Variants in ACOX3 observed in about 807,000 individuals in gnomAD.
ACOX3 encodes the protein peroxisomal acyl-coenzyme A oxidase 3.
ACOX3 carries 73 observed loss-of-function variants against 81.5 expected under a neutral mutation model. The observed-to-expected ratio is 0.90, with a 90% CI of 0.74 to 1.09. The LOEUF is 1.09. Ranked by LOEUF, ACOX3 falls within the 50% of genes least tolerant of loss-of-function variation. The probability of loss-of-function intolerance (pLI) is 0.00; values close to 1 mark genes in which losing one functional copy is unlikely to be tolerated. For missense variants in ACOX3, 947 were observed against 928.0 expected (o/e 1.02, Z -0.27); for synonymous variants, 387 against 375.1 (o/e 1.03, Z -0.37).
At chr4:8,369,375 A>G (rs1235992381) in intron 17 of ACOX3, among the ~76,000 whole-genome samples, 2 of 152,064 alleles carry the variant, frequency 1.3e-5, no homozygotes, top group Non-Finnish European at 2.9e-5. Context: ...TTCTCTCCCT[A>G]CAGCAGGGCA....
chr4:8,409,082 G>A (rs1721390805), intron 6 of ACOX3, among the ~76,000 whole-genome samples: 1 of 152,110 alleles, frequency 6.6e-6, no homozygotes, highest in African/African-American at 2.4e-5. Context: ...AAAACACTTT[G>A]GTTTTGTCCT....
At chr4:8,390,492 C>A in intron 11 of ACOX3, among the ~76,000 whole-genome samples, 1 of 152,340 alleles carries the variant, frequency 6.6e-6, no homozygotes, top group Non-Finnish European at 1.5e-5. Flanking sequence ...GCCATCTCAG[C>A]GAGCTGATGC....
At position 8,416,225 on chromosome 4, in the gene ACOX3, C is replaced by G. The variant is rs750960040; in HGVS notation, c.144+153G>C. Among the ~76,000 whole-genome samples, 2 of 152,206 alleles carry G rather than the reference C, an allele frequency of 1.3e-5. No individual in the cohort carries two copies. Among genetic ancestry groups the G allele is most frequent in the Non-Finnish European group, 2.9e-5 (2 of 68,030 alleles). On this transcript the variant is annotated intron_variant, in intron 2 of 17. Transcript: ENST00000356406. This position sits in a 1 kb window ranked among gnomAD's most constrained non-coding sequence, Gnocchi z 4.2. ...AGACTCCTCATCAATTCCCTGAGGC[C>G]TGTCCTGGGGTGCAGAGAGGAGAGA...
Position 8,414,810 on chromosome 4 carries a change from A to C in ACOX3, c.453+44T>G, listed in dbSNP as rs1337642418. Reference sequence around the variant, plus strand: ...TTTTCACAAATCTCTACAGAGATCAAGCAAGAGAACCAGGCTCACAATTTA... The same window carrying C: ...TTTTCACAAATCTCTACAGAGATCACGCAAGAGAACCAGGCTCACAATTTA... On this transcript the variant is annotated intron_variant, in intron 4 of 17. Coordinates refer to ENST00000356406, the MANE Select transcript of ACOX3 (RefSeq NM_003501.3). This position sits in a 1 kb window ranked among gnomAD's most constrained non-coding sequence, Gnocchi z 6.1. The C allele has an allele frequency of 3.2e-6, 5 of 1,577,594 alleles. No homozygotes were observed. Among genetic ancestry groups the C allele is most frequent in the Non-Finnish European group, 4.4e-6 (5 of 1,146,716 alleles).
intron 5 of ACOX3, among the ~76,000 whole-genome samples, chr4:8,412,538 G>A (rs1277940206): frequency 6.6e-6 from 1 of 152,214 alleles, no homozygotes; most frequent in African/African-American, 2.4e-5. Context: ...ATGGAAGAAT[G>A]AATGGACAGA....
rs1035321716 is a variant in ACOX3 at position 8,385,037 on chromosome 4, C to T, written c.1538-3430G>A. 2.6e-5 allele frequency among the ~76,000 whole-genome samples: 4 copies of T among 152,156 alleles called. No homozygotes were observed. The highest frequency in any genetic ancestry group is 2.1e-4 in the South Asian group (1 of 4,832). ...CCCCCCACACGCAGCAGCCCCCCAC[C>T]GAGGGCACCATGGCCTGGCCCCTGC... On this transcript the variant is annotated intron_variant, in intron 13 of 17. Coordinates refer to ENST00000356406, the MANE Select transcript of ACOX3 (RefSeq NM_003501.3). The surrounding 1 kb of genome is among the most constrained non-coding windows in gnomAD (Gnocchi z 5.5).
Position 8,407,224 on chromosome 4 carries a change from C to T in ACOX3, c.688-1181G>A, listed in dbSNP as rs935978959. Among the ~76,000 whole-genome samples, 117 of 152,144 alleles carry T rather than the reference C, an allele frequency of 7.7e-4. 1 individual carries two copies. The highest frequency in any genetic ancestry group is 2.8e-4 in the Non-Finnish European group (19 of 68,028). Reference sequence around the variant, plus strand: ...TTTTTCCTAGGTTATGATTATAGAGCGAGGATTATTATAATATTGGGATAA... The same window carrying T: ...TTTTTCCTAGGTTATGATTATAGAGTGAGGATTATTATAATATTGGGATAA... On this transcript the variant is annotated intron_variant, in intron 6 of 17. Coordinates refer to ENST00000356406, the MANE Select transcript of ACOX3 (RefSeq NM_003501.3). The surrounding 1 kb of genome is among the most constrained non-coding windows in gnomAD (Gnocchi z 4.6).
chr4:8,389,276 G>T lies in ACOX3; in HGVS notation c.1434C>A (p.Cys478Ter), dbSNP rs778350485. ...LLAHQVHDGA[C>*]FRSPLKSVDF... is the part of the protein sequence containing the mutation. ...CCACTGACTTCAGCGGACTGCGGAA[G>T]CAAGCTCCATCTAGGACACACATTC... The change falls in exon 13 of 18, where the codon TGC (cysteine) becomes TGA (stop). Residue 478 changes from cysteine (C) to a stop codon, truncating the protein, a stop_gained. Transcript: ENST00000356406. LOFTEE classifies it high-confidence loss of function. The surrounding 1 kb of genome is among the most constrained non-coding windows in gnomAD (Gnocchi z 5.3). 5 of 1,612,754 alleles carry T rather than the reference G, an allele frequency of 3.1e-6. No homozygotes were observed. Among genetic ancestry groups the T allele is most frequent in the Non-Finnish European group, 4.2e-6 (5 of 1,179,460 alleles).
intron 10 of ACOX3, among the ~76,000 whole-genome samples, chr4:8,393,490 A>AAAAC (rs138758419): frequency 0.13 from 17,596 of 130,514 alleles, 2,246 homozygotes; most frequent in African/African-American, 0.35. Flanking sequence ...CTCCGTCTCA[A>AAAAC]AAACAAACAA....
At chr4:8,415,721 C>T (rs764996546) in intron 3 of ACOX3, 45 bp downstream of exon 3, 34 of 1,566,162 alleles carry the variant, frequency 2.2e-5, no homozygotes, top group Middle Eastern at 2.0e-4. Context: ...CAAGGCTCAG[C>T]GCAGCATGAA....
Position 8,405,579 on chromosome 4 carries a change from A to G in ACOX3, c.776+376T>C, listed in dbSNP as rs1720841459. 6.6e-6 allele frequency among the ~76,000 whole-genome samples: 1 copy of G among 152,226 alleles called. No individual in the cohort carries two copies. The highest frequency in any genetic ancestry group is 1.5e-5 in the Non-Finnish European group (1 of 68,034). Reference sequence around the variant, plus strand: ...AAACTGCAGATATGGGTCCCTCGAGATCAGCATGGATGTGTGCAGAGGCCG... The same window carrying G: ...AAACTGCAGATATGGGTCCCTCGAGGTCAGCATGGATGTGTGCAGAGGCCG... On this transcript the variant is annotated intron_variant, in intron 7 of 17. Coordinates refer to ENST00000356406, the MANE Select transcript of ACOX3 (RefSeq NM_003501.3). The surrounding 1 kb of genome is among the most constrained non-coding windows in gnomAD (Gnocchi z 7.1).
intron 14 of ACOX3, among the ~76,000 whole-genome samples, chr4:8,379,083 C>T (rs556746265): frequency 9.8e-5 from 15 of 152,334 alleles, no homozygotes; most frequent in East Asian, 1.9e-4. Context: ...CGACATGTTA[C>T]GTGGGCTTCC....
At chr4:8,397,715 G>A (rs983312012) in intron 8 of ACOX3, among the ~76,000 whole-genome samples, 6 of 152,214 alleles carry the variant, frequency 3.9e-5, no homozygotes, top group East Asian at 1.9e-4. Flanking sequence ...CCCTTGCCAC[G>A]TGATCTGACC....
At chr4:8,397,158 G>C in intron 8 of ACOX3, 39 bp from the exon 9 acceptor site, 1 of 1,500,918 alleles carries the variant, frequency 6.7e-7, no homozygotes, top group Non-Finnish European at 8.9e-7. Context: ...AAGCCCGGCT[G>C]CGCGGCCACC....
Position 8,381,722 on chromosome 4 carries a change from A to C in ACOX3, c.1538-115T>G, listed in dbSNP as rs558278672. The C allele has an allele frequency of 3.6e-3, 2,671 of 744,128 alleles. 12 individuals are homozygous for C. Among genetic ancestry groups the C allele is most frequent in the Non-Finnish European group, 5.1e-3 (2,283 of 448,474 alleles). The allele number at this position is 744,128 out of a possible 1,614,324, so 46.1% of individuals were successfully genotyped here. A position where few individuals can be genotyped will look rare whatever the true frequency, so the allele number is the denominator to read the frequency against. On this transcript the variant is annotated intron_variant, in intron 13 of 17. Coordinates refer to ENST00000356406, the MANE Select transcript of ACOX3 (RefSeq NM_003501.3). This position sits in a 1 kb window ranked among gnomAD's most constrained non-coding sequence, Gnocchi z 4.3. ...ATCCTGCAGGTACCAGGTTGTCTTCATTGACAACCAAGTGTATGGGGTGGG... is the reference window on the plus strand; with the variant it reads ...ATCCTGCAGGTACCAGGTTGTCTTCCTTGACAACCAAGTGTATGGGGTGGG...
At chr4:8,410,028 G>A (rs1315801183) in intron 6 of ACOX3, among the ~76,000 whole-genome samples, 184 bp downstream of exon 6, 10 of 151,998 alleles carry the variant, frequency 6.6e-5, no homozygotes, top group African/African-American at 2.2e-4. Context: ...TGCACTGTGG[G>A]CGGGGCTGTT....
intron 9 of ACOX3, among the ~76,000 whole-genome samples, chr4:8,396,373 C>T (rs1020703585): frequency 6.6e-6 from 1 of 152,192 alleles, no homozygotes; most frequent in Non-Finnish European, 1.5e-5. Context: ...CTCCCAGAGC[C>T]GCCCCATCCT....
chr4:8,359,445 G>C, the ACOX3 span, among the ~76,000 whole-genome samples: 2 of 152,098 alleles, frequency 1.3e-5, no homozygotes, highest in South Asian at 4.1e-4. This position sits in a 1 kb window ranked among gnomAD's most constrained non-coding sequence, Gnocchi z 6.0. Context: ...CTCAGATTTA[G>C]GGGGTTAGAG....
chr4:8,398,535 G>C (rs975580491), intron 8 of ACOX3, among the ~76,000 whole-genome samples: 3 of 152,136 alleles, frequency 2.0e-5, no homozygotes, highest in Admixed American at 2.0e-4. Flanking sequence ...ACGCTGGAGT[G>C]CAGTGATGCA....
Sources: gnomAD v4.1 joint callset for allele counts (sites outside exome capture counted in the v4.1 genomes callset) on GRCh38, gnomAD v4.1.1 for gene constraint, Gnocchi (gnomAD v3.1) non-coding constraint, MANE v1.5 for transcripts, NCBI Gene and HGNC (gene_info 2026-07-23, HGNC 2026-07-21) for gene names.